TAF2: variants seen among roughly 807,000 people sequenced by gnomAD.
TAF2 encodes TATA-box binding protein associated factor 2.
TAF2 carries 61 observed loss-of-function variants against 138.5 expected under a neutral mutation model. The observed-to-expected ratio is 0.44, with a 90% confidence interval of 0.36 to 0.54. TAF2 has a LOEUF of 0.54. Ranked by LOEUF, TAF2 falls within the 20% of genes least tolerant of loss-of-function variation. The pLI is 0.00. For synonymous variants in TAF2, 475 were observed against 469.9 expected, an observed-to-expected ratio of 1.01 and a Z score of -0.14; for missense variants, 1,090 against 1,427.9, an observed-to-expected ratio of 0.76 and a Z score of 3.81.
rs372259229 is a variant in TAF2 at position 119,832,488 on chromosome 8, T to A, written c.77A>T (p.Tyr26Phe). 87 of 1,613,646 alleles carry A rather than the reference T, an allele frequency of 5.4e-5. No homozygotes were observed. Among genetic ancestry groups the A allele is most frequent in the Non-Finnish European group, 7.3e-5 (86 of 1,179,868 alleles). ...GAAATGAAAAAATACTTATAATTTA[T>A]ATGGCCTTGGGCTTTCAAAGCCCTT... ...GDKGFESPRP[Y>F]KLTHQVVCIN... is the part of the protein sequence containing the mutation. The change falls in exon 1 of 26, where the codon TAT becomes TTT. Residue 26 changes from tyrosine to phenylalanine, a missense_variant. Transcript: ENST00000378164.
intron 5 of TAF2, among the ~76,000 whole-genome samples, chr8:119,802,254 T>A (rs994935757): frequency 6.6e-6 from 1 of 152,236 alleles, no homozygotes; most frequent in African/African-American, 2.4e-5. Flanking sequence ...TACCATCAGT[T>A]CAAACCCTAA....
intron 8 of TAF2, among the ~76,000 whole-genome samples, 193 bp downstream of exon 8, chr8:119,796,797 T>A (rs1195943953): frequency 1.3e-5 from 2 of 151,940 alleles, no homozygotes; most frequent in African/African-American, 4.8e-5. Flanking sequence ...CTAATAAATA[T>A]AAGTGACTAT....
intron 11 of TAF2, among the ~76,000 whole-genome samples, chr8:119,790,501 T>C (rs1195278417): frequency 6.6e-6 from 1 of 151,880 alleles, no homozygotes; most frequent in African/African-American, 2.4e-5. Flanking sequence ...AAACTGAACT[T>C]TACAGCAAAC....
chr8:119,762,389 C>T (rs1425184565), intron 19 of TAF2, 26 bp downstream of exon 19: 3 of 1,606,128 alleles, frequency 1.9e-6, no homozygotes, highest in Non-Finnish European at 2.6e-6. Context: ...GAACATATAA[C>T]TTTAAAGTAA....
At chr8:119,746,658 C>A in intron 23 of TAF2, 47 bp downstream of exon 23, 1 of 1,572,830 alleles carries the variant, frequency 6.4e-7, no homozygotes, top group Non-Finnish European at 8.8e-7. Flanking sequence ...TTCTCTAGAT[C>A]CTCTATATAA....
intron 10 of TAF2, among the ~76,000 whole-genome samples, chr8:119,793,018 T>G (rs1823549825): frequency 6.6e-6 from 1 of 152,038 alleles, no homozygotes. Context: ...CTTCAAAATG[T>G]GGCATATTGG....
At position 119,742,614 on chromosome 8, in the gene TAF2, A is replaced by G; in HGVS notation, c.3257T>C (p.Ile1086Thr). ...GTCACAGCCTGCTGAGTGCTGGGGT[A>G]TTAAAGCAGATCGGGAGCTAGCTGG... The part of the protein sequence containing the change: ...YRPASSRSAL[I>T]PQHSAGCDST... The change falls in exon 25 of 26, where the codon ATA (isoleucine) becomes ACA (threonine). Residue 1086 changes from isoleucine to threonine, a missense_variant. Transcript: ENST00000378164. The G allele has an allele frequency of 1.9e-6, 3 of 1,613,972 alleles. No homozygotes were observed. The highest frequency in any genetic ancestry group is 2.5e-6 in the Non-Finnish European group (3 of 1,179,972).
At chr8:119,742,422 G>A (rs1819657769) in intron 25 of TAF2, 112 bp downstream of exon 25, 1 of 1,383,556 alleles carries the variant, frequency 7.2e-7, no homozygotes, top group Non-Finnish European at 9.9e-7. Context: ...GAAAAGCCAA[G>A]TCCTAAGATC....
At chr8:119,826,120 G>A (rs1826082343) in intron 2 of TAF2, among the ~76,000 whole-genome samples, 1 of 151,960 alleles carries the variant, frequency 6.6e-6, no homozygotes, top group South Asian at 2.1e-4. Flanking sequence ...GCGGGGTGGG[G>A]GACTAGGGGA....
chr8:119,761,292 G>C (rs923220202), intron 19 of TAF2, among the ~76,000 whole-genome samples: 1 of 152,070 alleles, frequency 6.6e-6, no homozygotes, highest in Admixed American at 6.6e-5. Flanking sequence ...TATAGCCTAA[G>C]AGCAACAGAG....
chr8:119,752,744 G>T (rs1004733397), intron 22 of TAF2, among the ~76,000 whole-genome samples: 1 of 152,156 alleles, frequency 6.6e-6, no homozygotes, highest in Non-Finnish European at 1.5e-5. Context: ...ATGATAAGAT[G>T]ATCCTTCTGA....
chr8:119,791,181 G>T, intron 11 of TAF2, 143 bp downstream of exon 11: 1 of 858,546 alleles, frequency 1.2e-6, no homozygotes, highest in Non-Finnish European at 1.7e-6. Flanking sequence ...CTGAGGAAAT[G>T]CAAATATAAA....
intron 19 of TAF2, 50 bp from the exon 20 acceptor site, chr8:119,760,788 T>A (rs779520089): frequency 6.2e-7 from 1 of 1,610,232 alleles, no homozygotes; most frequent in South Asian, 1.1e-5. Context: ...GTATTATGAA[T>A]CAGTTTGTTT....
intron 14 of TAF2, among the ~76,000 whole-genome samples, chr8:119,787,649 A>C (rs1823117986): frequency 1.3e-5 from 2 of 152,220 alleles, no homozygotes; most frequent in Admixed American, 1.3e-4. Context: ...TGGAAGTGTA[A>C]ATTAGTTCAA....
At chr8:119,749,710 A>G (rs1452213922) in intron 22 of TAF2, among the ~76,000 whole-genome samples, 1 of 152,154 alleles carries the variant, frequency 6.6e-6, no homozygotes, top group Non-Finnish European at 1.5e-5. Context: ...GATGATTCCA[A>G]GTCAATCAAT....
intron 18 of TAF2, among the ~76,000 whole-genome samples, chr8:119,765,303 A>G (rs1821344107): frequency 6.6e-6 from 1 of 152,150 alleles, no homozygotes; most frequent in Non-Finnish European, 1.5e-5. Flanking sequence ...AAACAGAAAA[A>G]AGAGTAAGAA....
intron 2 of TAF2, among the ~76,000 whole-genome samples, chr8:119,825,530 C>T (rs2131267775): frequency 6.6e-6 from 1 of 152,200 alleles, no homozygotes; most frequent in East Asian, 1.9e-4. Context: ...GGGCCAGGGG[C>T]AGAATGATAC....
Position 119,832,608 on chromosome 8 carries a change from T to C in TAF2, c.-44A>G. The C allele has an allele frequency of 6.4e-7, 1 of 1,561,460 alleles. No individual in the cohort carries two copies. The highest frequency in any genetic ancestry group is 1.4e-5 in the African/African-American group (1 of 74,034). ...TTGGCTTCCCGGCTTCCTAGGGGGA[T>C]ACGGGGCATTACTAGTCTTTGGCAC... On this transcript the variant is annotated 5_prime_UTR_variant, in exon 1 of 26. Transcript: ENST00000378164.
intron 3 of TAF2, among the ~76,000 whole-genome samples, chr8:119,811,678 C>T (rs1258483560): frequency 1.3e-5 from 2 of 151,092 alleles, no homozygotes; most frequent in African/African-American, 4.9e-5. Flanking sequence ...TGGTGGTGGG[C>T]GCCTGTAATC....
Sources: allele counts gnomAD v4.1 joint callset (sites outside exome capture counted in the v4.1 genomes callset), GRCh38; gene constraint gnomAD v4.1.1; transcripts MANE v1.5; gene names NCBI Gene and HGNC (gene_info 2026-07-23, HGNC 2026-07-21).